The following CHCHD3 variants were observed in gnomAD, a reference collection of about 807,000 sequenced individuals.
CHCHD3 encodes the protein coiled-coil-helix-coiled-coil-helix domain containing 3.
A neutral mutation model predicts 38.2 loss-of-function variants in CHCHD3; 20 were observed. The ratio of observed to expected loss-of-function variants is 0.52; its 90% CI spans 0.37 to 0.76. The LOEUF is 0.76. Ranked by LOEUF, CHCHD3 falls within the 30% of genes least tolerant of loss-of-function variation. The pLI, the probability that CHCHD3 is intolerant of heterozygous loss-of-function variation, is 0.00. For synonymous variants in CHCHD3, 82 were observed against 100.0 expected, an observed-to-expected ratio of 0.82 and a Z score of 1.07; for missense variants, 245 against 279.2, an observed-to-expected ratio of 0.88 and a Z score of 0.87.
At chr7:132,827,130 T>C (rs1308555493) in intron 6 of CHCHD3, among the ~76,000 whole-genome samples, 1 of 152,192 alleles carries the variant, frequency 6.6e-6, no homozygotes, top group Non-Finnish European at 1.5e-5. Context: ...TGAAGAAGCA[T>C]TTTATCTAGG....
chr7:132,939,964 T>A (rs1335488419), intron 4 of CHCHD3, among the ~76,000 whole-genome samples: 1 of 152,188 alleles, frequency 6.6e-6, no homozygotes, highest in Non-Finnish European at 1.5e-5. Flanking sequence ...GCTCCATAAA[T>A]GTATCACAAG....
At chr7:132,984,068 C>T (rs1372581107) in intron 3 of CHCHD3, among the ~76,000 whole-genome samples, 8 of 149,342 alleles carry the variant, frequency 5.4e-5, no homozygotes, top group Admixed American at 6.7e-5. Context: ...CCTCTCCCCA[C>T]GGTCTCCCTC....
intron 5 of CHCHD3, among the ~76,000 whole-genome samples, chr7:132,845,950 T>C (rs1254032259): frequency 2.0e-5 from 3 of 152,202 alleles, no homozygotes; most frequent in Admixed American, 6.5e-5. Context: ...TATTCAGTAT[T>C]AATAAAGAAG....
At chr7:133,030,680 T>C (rs1271217969) in intron 2 of CHCHD3, among the ~76,000 whole-genome samples, 2 of 152,250 alleles carry the variant, frequency 1.3e-5, no homozygotes, top group African/African-American at 4.8e-5. Flanking sequence ...AAGAATGTTT[T>C]CTTTCCATAC....
chr7:133,077,747 G>A (rs1815045122), intron 1 of CHCHD3, among the ~76,000 whole-genome samples: 1 of 152,162 alleles, frequency 6.6e-6, no homozygotes, highest in Non-Finnish European at 1.5e-5. Flanking sequence ...TTAGCCTTGA[G>A]AAGAGGGCAA....
At chr7:133,081,600 A>G (rs964509657) in intron 1 of CHCHD3, among the ~76,000 whole-genome samples, 13 of 152,182 alleles carry the variant, frequency 8.5e-5, no homozygotes, top group African/African-American at 2.9e-4. Context: ...GTAGACTGTG[A>G]GCCCTTGCAG....
intron 4 of CHCHD3, among the ~76,000 whole-genome samples, chr7:132,898,412 G>A (rs1273530031): frequency 6.6e-6 from 1 of 152,110 alleles, no homozygotes; most frequent in Non-Finnish European, 1.5e-5. Flanking sequence ...TACAGAGTGT[G>A]GACACAAAGG....
chr7:133,077,727 G>A lies in CHCHD3; in HGVS notation c.81+4130C>T, dbSNP rs115835909. 2.6e-3 allele frequency among the ~76,000 whole-genome samples: 402 copies of A among 152,232 alleles called. 1 individual carries two copies. Among genetic ancestry groups the A allele is most frequent in the African/African-American group, 8.6e-3 (358 of 41,544 alleles). ...GAAAATGCTTGGTCTTTCCTCTCTA[G>A]GAATTTATTTTAGCCTTGAGAAGAG... is the stretch of plus-strand genomic sequence containing the variant. On this transcript the variant is annotated intron_variant, in intron 1 of 7. Transcript: ENST00000262570.
chr7:133,075,363 C>A (rs10488220), intron 1 of CHCHD3, among the ~76,000 whole-genome samples: 45,623 of 152,024 alleles, frequency 0.3, 7,513 homozygotes, highest in Non-Finnish European at 0.38. Flanking sequence ...CTTGTTCTTA[C>A]AATCATTCAA....
At chr7:132,978,563 T>C (rs1016454220) in intron 3 of CHCHD3, among the ~76,000 whole-genome samples, 2 of 152,212 alleles carry the variant, frequency 1.3e-5, no homozygotes, top group African/African-American at 2.4e-5. Context: ...ATAAATGGCA[T>C]ATTTCTAACC....
At chr7:132,900,141 A>G (rs1809630021) in intron 4 of CHCHD3, among the ~76,000 whole-genome samples, 1 of 51,372 alleles carries the variant, frequency 1.9e-5, no homozygotes, top group Admixed American at 2.2e-4. Context: ...TGCCTCCTGA[A>G]CCTCATACCA....
At chr7:133,021,076 C>A (rs775145523) in intron 3 of CHCHD3, among the ~76,000 whole-genome samples, 10 of 152,100 alleles carry the variant, frequency 6.6e-5, no homozygotes, top group Non-Finnish European at 1.0e-4. Flanking sequence ...TTTTAACAAC[C>A]AAAAATATCT....
At chr7:132,796,908 C>T (rs566230439) in intron 6 of CHCHD3, among the ~76,000 whole-genome samples, 33 of 152,280 alleles carry the variant, frequency 2.2e-4, no homozygotes, top group African/African-American at 7.2e-4. Context: ...CCCATATCCA[C>T]TTGGTCACAA....
At chr7:133,036,077 G>C in intron 2 of CHCHD3, 1 of 692,028 alleles carries the variant, frequency 1.4e-6, no homozygotes, top group Non-Finnish European at 2.5e-6. Flanking sequence ...AAAATAATTC[G>C]CTAGGCAATT....
rs149296292 is a variant in CHCHD3, at chr7:132,851,977, C to A, written c.454-13508G>T. ...TGCTTGCTCAGCTACAGGAGGAGCA[C>A]GTGCACACAGAGTCCTCTTGAAAAC... On this transcript the variant is annotated intron_variant, in intron 5 of 7. Transcript: ENST00000262570. Among the ~76,000 whole-genome samples the A allele has an allele frequency of 6.6e-5, 10 of 152,154 alleles. No homozygotes were observed. In the South Asian group the frequency reaches 1.5e-3, roughly 22 times the overall value.
chr7:132,931,404 T>C (rs987831822), intron 4 of CHCHD3, among the ~76,000 whole-genome samples: 2 of 152,218 alleles, frequency 1.3e-5, no homozygotes, highest in Non-Finnish European at 2.9e-5. Flanking sequence ...AAAATTGCTA[T>C]AAATGATGAA....
chr7:132,793,016 C>T (rs1806504217), intron 7 of CHCHD3, among the ~76,000 whole-genome samples: 1 of 152,200 alleles, frequency 6.6e-6, no homozygotes, highest in Non-Finnish European at 1.5e-5. Flanking sequence ...ACAGCAAACC[C>T]TTTCGACACC....
At chr7:132,905,891 A>C (rs1295396757) in intron 4 of CHCHD3, among the ~76,000 whole-genome samples, 4 of 152,244 alleles carry the variant, frequency 2.6e-5, no homozygotes, top group Non-Finnish European at 5.9e-5. Flanking sequence ...GCTGCATGAA[A>C]ATATATTCAC....
intron 6 of CHCHD3, among the ~76,000 whole-genome samples, chr7:132,819,629 C>A (rs1177263526): frequency 6.6e-6 from 1 of 152,172 alleles, no homozygotes; most frequent in Non-Finnish European, 1.5e-5. Context: ...GGGGCACAGG[C>A]AACACTGATG....
Sources: allele counts gnomAD v4.1 joint callset (sites outside exome capture counted in the v4.1 genomes callset), GRCh38; gene constraint gnomAD v4.1.1; transcripts MANE v1.5; gene names NCBI Gene and HGNC (gene_info 2026-07-23, HGNC 2026-07-21).